The following RAB11FIP4 variants were observed in gnomAD, a reference collection of about 807,000 sequenced individuals.
RAB11FIP4 encodes the protein rab11 family-interacting protein 4.
A neutral mutation model predicts 74.3 loss-of-function variants in RAB11FIP4; 23 were observed. The ratio of observed to expected loss-of-function variants is 0.31; its 90% CI spans 0.22 to 0.44. The LOEUF (loss-of-function observed/expected upper bound fraction) is 0.44. Ranked by LOEUF, RAB11FIP4 falls within the 20% of genes least tolerant of loss-of-function variation. The probability of loss-of-function intolerance (pLI) is 1.00; values close to 1 mark genes in which losing one functional copy is unlikely to be tolerated. For missense variants in RAB11FIP4, 630 were observed against 863.9 expected, an observed-to-expected ratio of 0.73 and a Z score of 3.39; for synonymous variants, 360 against 359.9, an observed-to-expected ratio of 1.00 and a Z score of 0.00.
intron 3 of RAB11FIP4, among the ~76,000 whole-genome samples, chr17:31,476,617 T>C (rs917769401): frequency 1.1e-4 from 17 of 152,216 alleles, no homozygotes; most frequent in African/African-American, 4.1e-4. Context: ...ACCCCATGAA[T>C]GTGGCCTTGT....
intron 3 of RAB11FIP4, 142 bp from the exon 4 acceptor site, chr17:31,517,509 C>G: frequency 1.4e-6 from 1 of 722,820 alleles, no homozygotes; most frequent in Non-Finnish European, 2.3e-6. Context: ...GCCAGGTGTT[C>G]CCACGCTTAG....
At chr17:31,442,221 G>C (rs1295603167) in intron 3 of RAB11FIP4, among the ~76,000 whole-genome samples, 1 of 151,916 alleles carries the variant, frequency 6.6e-6, no homozygotes, top group Admixed American at 6.6e-5. Context: ...GGATGGTCTC[G>C]ATCTCCTGAC....
chr17:31,511,727 G>T (rs997658958), intron 3 of RAB11FIP4, among the ~76,000 whole-genome samples: 5 of 152,240 alleles, frequency 3.3e-5, no homozygotes, highest in Admixed American at 1.3e-4. Context: ...TGCTGCATCC[G>T]CTCTGAGAGT....
intron 3 of RAB11FIP4, among the ~76,000 whole-genome samples, chr17:31,437,792 C>T (rs1296388476): frequency 6.6e-6 from 1 of 152,126 alleles, no homozygotes; most frequent in Non-Finnish European, 1.5e-5. Flanking sequence ...TTGACCCCCT[C>T]CCAGGCCCCG....
intron 3 of RAB11FIP4, among the ~76,000 whole-genome samples, chr17:31,441,250 T>C (rs1162840358): frequency 6.6e-6 from 1 of 152,106 alleles, no homozygotes; most frequent in Non-Finnish European, 1.5e-5. Context: ...GGTCTCAAAC[T>C]CCTGACCTCA....
chr17:31,455,098 T>G (rs1044969581), intron 3 of RAB11FIP4, among the ~76,000 whole-genome samples: 2 of 152,192 alleles, frequency 1.3e-5, no homozygotes, highest in Admixed American at 6.5e-5. Context: ...AAAGACAGAT[T>G]AATAGAAAAA....
At chr17:31,522,680 C>G (rs2072691189) in intron 7 of RAB11FIP4, 2 of 508,438 alleles carry the variant, frequency 3.9e-6, no homozygotes, top group Non-Finnish European at 3.5e-6. Context: ...ACAGAGCACC[C>G]CACAGCGTTC....
Position 31,488,007 on chromosome 17 carries a change from C to T in RAB11FIP4, c.337-29644C>T, listed in dbSNP as rs945405718. On this transcript the variant is annotated intron_variant, in intron 3 of 14. Coordinates refer to ENST00000621161, the MANE Select transcript of RAB11FIP4 (RefSeq NM_032932.6). Reference sequence around the variant, plus strand: ...GGCGCGAGGCCCCGCCCCCGAGTCCCGGGGCCCAGGCGCCTCGTGATGTCA... The same window carrying T: ...GGCGCGAGGCCCCGCCCCCGAGTCCTGGGGCCCAGGCGCCTCGTGATGTCA... The T allele has an allele frequency of 9.9e-6, 10 of 1,007,262 alleles. No homozygotes were observed. The Admixed American group carries it at 4.2e-4, about 42-fold the overall frequency. The allele number at this position is 1,007,262 out of a possible 1,614,324, so 62.4% of individuals were successfully genotyped here. A position where few individuals can be genotyped will look rare whatever the true frequency, so the allele number is the denominator to read the frequency against.
intron 1 of RAB11FIP4, among the ~76,000 whole-genome samples, chr17:31,395,723 T>A (rs1163585169): frequency 1.3e-5 from 2 of 152,122 alleles, no homozygotes; most frequent in Non-Finnish European, 2.9e-5. Flanking sequence ...GCTGACTAAA[T>A]GCAGTGTGGT....
chr17:31,397,866 G>A (rs543896183), intron 1 of RAB11FIP4, among the ~76,000 whole-genome samples: 64 of 151,292 alleles, frequency 4.2e-4, no homozygotes, highest in Non-Finnish European at 8.3e-4. Context: ...TATCAGACAC[G>A]CCCCTGCCTT....
intron 3 of RAB11FIP4, chr17:31,448,392 A>ATTTCTTTTTTTTT (rs2071489882): frequency 1.3e-5 from 1 of 79,832 alleles, no homozygotes; most frequent in Admixed American, 1.8e-4. Flanking sequence ...CATCCAGCTA[A>ATTTCTTTTTTTTT]TTTTTTTTTT....
At chr17:31,479,769 T>C (rs2142737211) in intron 3 of RAB11FIP4, among the ~76,000 whole-genome samples, 1 of 152,298 alleles carries the variant, frequency 6.6e-6, no homozygotes, top group Non-Finnish European at 1.5e-5. Flanking sequence ...ACAGCATACC[T>C]ACTCTACTCC....
At position 31,510,408 on chromosome 17, in the gene RAB11FIP4, C is replaced by T. The variant is rs552260737; in HGVS notation, c.337-7243C>T. Among the ~76,000 whole-genome samples, 11 of 152,384 alleles carry T rather than the reference C, an allele frequency of 7.2e-5. No individual in the cohort carries two copies. The East Asian group carries it at 2.1e-3, about 29-fold the overall frequency. On this transcript the variant is annotated intron_variant, in intron 3 of 14. Coordinates refer to ENST00000621161, the MANE Select transcript of RAB11FIP4 (RefSeq NM_032932.6). ...AGCGGCAGCGCTGCACGTGTGCCTG[C>T]TGGTGCCTTGCTGCAAGGGAAGTGG...
chr17:31,454,180 G>A (rs1216741965), intron 3 of RAB11FIP4, among the ~76,000 whole-genome samples: 1 of 152,208 alleles, frequency 6.6e-6, no homozygotes, highest in Non-Finnish European at 1.5e-5. Context: ...TTGTATTAGA[G>A]AGATTAAACA....
chr17:31,431,164 C>G (rs2071306158), intron 1 of RAB11FIP4, among the ~76,000 whole-genome samples: 1 of 152,138 alleles, frequency 6.6e-6, no homozygotes, highest in Non-Finnish European at 1.5e-5. Context: ...ACCCACCGGG[C>G]AGAATGTGTT....
intron 1 of RAB11FIP4, among the ~76,000 whole-genome samples, chr17:31,403,009 A>G (rs1367554840): frequency 6.6e-6 from 1 of 152,054 alleles, no homozygotes; most frequent in Non-Finnish European, 1.5e-5. Flanking sequence ...TATTTGTGGC[A>G]CTGTTGTGAT....
chr17:31,528,894 CT>C (rs1190806279), intron 13 of RAB11FIP4, 116 bp downstream of exon 13: 2 of 1,196,846 alleles, frequency 1.7e-6, no homozygotes, highest in Non-Finnish European at 1.1e-6. Flanking sequence ...TGCCTGTCTG[CT>C]TCTCAGCAAC....
At chr17:31,489,746 C>A (rs1242487485) in intron 3 of RAB11FIP4, among the ~76,000 whole-genome samples, 3 of 151,938 alleles carry the variant, frequency 2.0e-5, no homozygotes, top group Non-Finnish European at 4.4e-5. Context: ...TGTCGCCTGG[C>A]GGGGTGAGGG....
chr17:31,528,599 A>T (rs750306059), intron 12 of RAB11FIP4, 21 bp from the exon 13 acceptor site: 2 of 1,613,280 alleles, frequency 1.2e-6, no homozygotes, highest in Admixed American at 3.3e-5. Flanking sequence ...GCTCCTGCCA[A>T]CCTGCTTCTC....
Sources: allele counts gnomAD v4.1 joint callset (sites outside exome capture counted in the v4.1 genomes callset), GRCh38; gene constraint gnomAD v4.1.1; transcripts MANE v1.5; gene names NCBI Gene and HGNC (gene_info 2026-07-23, HGNC 2026-07-21).